GMPS: variants seen among roughly 807,000 people sequenced by gnomAD.
GMPS encodes GMP synthase [glutamine-hydrolyzing].
A neutral mutation model predicts 77.9 loss-of-function variants in GMPS; 15 were observed. The observed-to-expected ratio is 0.19, with a 90% CI of 0.13 to 0.30. The LOEUF is 0.30. Among genes scored for constraint, GMPS ranks in the 10% least tolerant of loss-of-function variants. The pLI is 1.00. For missense variants in GMPS, 590 were observed against 838.8 expected (o/e 0.70, Z 3.66); for synonymous variants, 224 against 275.9 (o/e 0.81, Z 1.86).
At position 155,924,821 on chromosome 3, in the gene GMPS, A is replaced by ATG. The variant is rs1352229938; in HGVS notation, c.1435-420_1435-419insTG. On this transcript the variant is annotated intron_variant, in intron 11 of 15. Coordinates refer to ENST00000496455, the MANE Select transcript of GMPS (RefSeq NM_003875.3). ...ACATGAAAGGTATAGTCTATTCACAACAGGCATTACTAATACCTAGGGATA... is the reference window on the plus strand; with the variant it reads ...ACATGAAAGGTATAGTCTATTCACAATGCAGGCATTACTAATACCTAGGGATA... 5.1e-4 allele frequency among the ~76,000 whole-genome samples: 78 copies of ATG among 152,340 alleles called. 4 individuals are homozygous for ATG. Among genetic ancestry groups the ATG allele is most frequent in the African/African-American group, 1.8e-3 (75 of 41,592 alleles).
At chr3:155,927,779 G>A (rs1755494193) in intron 12 of GMPS, among the ~76,000 whole-genome samples, 1 of 152,096 alleles carries the variant, frequency 6.6e-6, no homozygotes, top group South Asian at 2.1e-4. Context: ...TAAAAGAGGG[G>A]ATTTGGGGTA....
intron 5 of GMPS, among the ~76,000 whole-genome samples, chr3:155,908,290 G>A (rs923533794): frequency 5.9e-5 from 9 of 152,222 alleles, no homozygotes; most frequent in Non-Finnish European, 1.2e-4. Flanking sequence ...CTCACCCTTT[G>A]CAGGAGGGAG....
At chr3:155,882,427 C>T (rs1754232116) in intron 1 of GMPS, among the ~76,000 whole-genome samples, 1 of 152,196 alleles carries the variant, frequency 6.6e-6, no homozygotes, top group African/African-American at 2.4e-5. Flanking sequence ...GTCTGGTTGT[C>T]TGTTTTTGTA....
chr3:155,901,638 C>G (rs893501239), intron 3 of GMPS, among the ~76,000 whole-genome samples: 4 of 151,862 alleles, frequency 2.6e-5, no homozygotes, highest in African/African-American at 9.7e-5. Context: ...CCCTGCCAAC[C>G]CTTGACATGA....
At chr3:155,927,014 TAAAAAA>T (rs199726862) in intron 12 of GMPS, among the ~76,000 whole-genome samples, 341 of 143,224 alleles carry the variant, frequency 2.4e-3, no homozygotes, top group Non-Finnish European at 3.9e-3. Flanking sequence ...AACTCCTTCT[TAAAAAA>T]AAAAAAAAAT....
At chr3:155,870,946 C>T in intron 1 of GMPS, 49 bp downstream of exon 1, 2 of 1,413,576 alleles carry the variant, frequency 1.4e-6, no homozygotes, top group Non-Finnish European at 1.8e-6. Flanking sequence ...AGGCGAGGCT[C>T]CCGGACCGGG....
At chr3:155,900,111 G>A (rs9840456) in intron 3 of GMPS, among the ~76,000 whole-genome samples, 134,213 of 152,184 alleles carry the variant, frequency 0.88, 59,449 homozygotes, top group African/African-American at 0.91. Flanking sequence ...TAAATGTTCA[G>A]CTTTTTCAGT....
At chr3:155,870,921 A>C in intron 1 of GMPS, 24 bp downstream of exon 1, 1 of 1,461,454 alleles carries the variant, frequency 6.8e-7, no homozygotes, top group Non-Finnish European at 9.0e-7. Context: ...TCCCTGCAGC[A>C]CCGCATCCCG....
chr3:155,892,921 C>T (rs574470956), intron 1 of GMPS, among the ~76,000 whole-genome samples: 11 of 152,318 alleles, frequency 7.2e-5, no homozygotes, highest in Middle Eastern at 3.4e-3. Flanking sequence ...CGTGAGCCAC[C>T]GCGCCCGGCC....
intron 13 of GMPS, among the ~76,000 whole-genome samples, chr3:155,934,441 C>G (rs929502427): frequency 6.6e-6 from 1 of 152,070 alleles, no homozygotes; most frequent in Non-Finnish European, 1.5e-5. Flanking sequence ...TTCACATGAC[C>G]CTCATTCCCC....
chr3:155,895,470 C>T (rs574315197), intron 2 of GMPS: 1 of 152,190 alleles, frequency 6.6e-6, no homozygotes, highest in African/African-American at 2.4e-5. Flanking sequence ...GCTGCCATGC[C>T]TGGTTAATTT....
rs183041033 is a variant in GMPS, at chr3:155,905,679, A to T, written c.423-481A>T. Among the ~76,000 whole-genome samples the T allele has an allele frequency of 3.2e-4, 48 of 150,648 alleles. No individual in the cohort carries two copies. In the East Asian group the frequency reaches 9.4e-3, roughly 29 times the overall value. On this transcript the variant is annotated intron_variant, in intron 4 of 15. Transcript: ENST00000496455. ...CCCTACTCTTAAGCTGAAAATGTTG[A>T]TTACTAATTATTTGTTTTAACCTAC...
rs1053492580 is a variant in GMPS at position 155,934,969 on chromosome 3, C to A, written c.1730C>A (p.Pro577His). Residue 577 changes from proline to histidine, a missense_variant, in exon 14 of 16, where the codon CCC (proline) becomes CAC (histidine). Physicochemically the swap from Pro to His is moderately conservative, Grantham distance 77 (BLOSUM62 -2). Transcript: ENST00000496455. ...AAAGAACCTCCTACAGATGTTACTC[C>A]CACTTTCTTGACAACAGGGGTGCTC... The part of the protein sequence containing the change: ...PVKEPPTDVT[P>H]TFLTTGVLST... 5 of 1,592,042 alleles carry A rather than the reference C, an allele frequency of 3.1e-6. No homozygotes were observed. Among genetic ancestry groups the A allele is most frequent in the Non-Finnish European group, 4.3e-6 (5 of 1,159,962 alleles).
chr3:155,922,763 AC>A (rs1194585723), intron 11 of GMPS, among the ~76,000 whole-genome samples: 1 of 152,154 alleles, frequency 6.6e-6, no homozygotes, highest in Non-Finnish European at 1.5e-5. Context: ...ACACTATGCA[AC>A]CCTTTAGCTC....
rs1463109422 is a variant in GMPS at position 155,942,888 on chromosome 3, A to T, written c.*5196A>T. On this transcript the variant is annotated 3_prime_UTR_variant, in exon 16 of 16. Transcript: ENST00000496455. ...CTAGAGATTACCTAGCTGCAACCTAAGTTTCCTGAATTAGAATCATTTGAG... is the reference window on the plus strand; with the variant it reads ...CTAGAGATTACCTAGCTGCAACCTATGTTTCCTGAATTAGAATCATTTGAG... The T allele has an allele frequency of 5.0e-6, 1 of 201,210 alleles. No homozygotes were observed. Among genetic ancestry groups the T allele is most frequent in the Non-Finnish European group, 1.0e-5 (1 of 97,810 alleles). The allele number at this position is 201,210 out of a possible 1,614,324, so 12.5% of individuals were successfully genotyped here.
intron 8 of GMPS, among the ~76,000 whole-genome samples, chr3:155,915,770 A>G (rs950396057): frequency 1.3e-5 from 2 of 151,116 alleles, no homozygotes; most frequent in African/African-American, 4.9e-5. Flanking sequence ...TCCTGGCCTC[A>G]AGTGATCCAC....
At chr3:155,936,909 A>G (rs1292312502) in intron 15 of GMPS, among the ~76,000 whole-genome samples, 1 of 152,200 alleles carries the variant, frequency 6.6e-6, no homozygotes, top group African/African-American at 2.4e-5. Context: ...TACCAATTCC[A>G]ACTCAATTTT....
Position 155,937,917 on chromosome 3 carries a change from A to G in GMPS, c.*225A>G, listed in dbSNP as rs1755799871. On this transcript the variant is annotated 3_prime_UTR_variant, in exon 16 of 16. Coordinates refer to ENST00000496455, the MANE Select transcript of GMPS (RefSeq NM_003875.3). ...AAAGCACCATTGCCTACACTCAGAC[A>G]GATTGATACTGCTTTTGCCTTTGCC... The G allele has an allele frequency of 2.3e-6, 1 of 437,980 alleles. No homozygotes were observed. The highest frequency in any genetic ancestry group is 3.4e-5 in the East Asian group (1 of 29,426). The allele number at this position is 437,980 out of a possible 1,614,324, so 27.1% of individuals were successfully genotyped here.
chr3:155,921,634 C>G (rs1478799545), intron 10 of GMPS, among the ~76,000 whole-genome samples: 1 of 152,012 alleles, frequency 6.6e-6, no homozygotes, highest in Admixed American at 6.6e-5. Context: ...CCTATCTTTA[C>G]TGAAAAAATT....
Sources: allele counts gnomAD v4.1 joint callset (sites outside exome capture counted in the v4.1 genomes callset), GRCh38; gene constraint gnomAD v4.1.1; transcripts MANE v1.5; gene names NCBI Gene and HGNC (gene_info 2026-07-23, HGNC 2026-07-21).